SLC20A2: variants seen among roughly 807,000 people sequenced by gnomAD.
The protein encoded by SLC20A2 is solute carrier family 20 member 2.
Under a neutral mutation model 61.0 loss-of-function variants are expected in SLC20A2, and 30 were observed. The ratio of observed to expected loss-of-function variants is 0.49; its 90% CI spans 0.37 to 0.67. The LOEUF (loss-of-function observed/expected upper bound fraction) is 0.67. Among genes scored for constraint, SLC20A2 ranks in the 30% least tolerant of loss-of-function variants. SLC20A2 has a pLI of 0.00. For synonymous variants in SLC20A2, 351 were observed against 353.3 expected, an observed-to-expected ratio of 0.99 and a Z score of 0.07; for missense variants, 626 against 866.4, an observed-to-expected ratio of 0.72 and a Z score of 3.48.
intron 1 of SLC20A2, among the ~76,000 whole-genome samples, chr8:42,519,443 TA>T (rs11284092): frequency 3.1e-3 from 417 of 136,322 alleles, no homozygotes; most frequent in Non-Finnish European, 4.2e-3. Context: ...GACTCCATCT[TA>T]AAAAAAAAAA....
rs1373343901 is a variant in SLC20A2, at chr8:42,467,104, G to A, written c.290-1187C>T. ...ATGACAGGCTCACTGGATGCAGTGA[G>A]CCACTGCACCCAGCCCATACTGCTT... On this transcript the variant is annotated intron_variant, in intron 2 of 10. Transcript: ENST00000520262. 3.3e-5 allele frequency among the ~76,000 whole-genome samples: 5 copies of A among 152,164 alleles called. 1 individual carries two copies. The highest frequency in any genetic ancestry group is 7.3e-5 in the Non-Finnish European group (5 of 68,032).
Position 42,437,728 on chromosome 8 carries a change from C to G in SLC20A2, c.935-151G>C. ...TCGCCTCCCGGGTTCAAGCGATTCT[C>G]CCTCAGCCTCCTGAGTAGCTGGGAC... On this transcript the variant is annotated intron_variant, in intron 7 of 10. Coordinates refer to ENST00000520262, the MANE Select transcript of SLC20A2 (RefSeq NM_001257180.2). This position sits in a 1 kb window ranked among gnomAD's most constrained non-coding sequence, Gnocchi z 6.4. The G allele has an allele frequency of 3.3e-6, 2 of 606,074 alleles. No homozygotes were observed. The highest frequency in any genetic ancestry group is 5.4e-6 in the Non-Finnish European group (2 of 367,950). 37.5% of individuals were successfully genotyped at this position (606,074 alleles called of 1,614,324 possible).
Position 42,437,018 on chromosome 8 carries a change from C to A in SLC20A2, c.1494G>T (p.Gly498=), listed in dbSNP as rs1190702147. The A allele has an allele frequency of 4.3e-6, 7 of 1,610,886 alleles. No individual in the cohort carries two copies. Among genetic ancestry groups the A allele is most frequent in the Non-Finnish European group, 5.9e-6 (7 of 1,178,398 alleles). The stretch of plus-strand genomic sequence containing the variant: ...CGTCATTGCCGCCGTGAGCAAAGGA[C>A]CCGAAACAGGCGGTGAGGACCTGCA... The part of the protein sequence containing the change: ...HFLQVLTACF[G]SFAHGGNDVS... The change falls in exon 8 of 11, where the codon GGG becomes GGT. Residue 498 remains glycine, a synonymous_variant. Transcript: ENST00000520262. This position sits in a 1 kb window ranked among gnomAD's most constrained non-coding sequence, Gnocchi z 6.4.
rs965009146 is a variant in SLC20A2, at chr8:42,522,554, G to T, written c.-265+19267C>A. 1.7e-5 allele frequency among the ~76,000 whole-genome samples: 2 copies of T among 119,790 alleles called. 1 individual carries two copies. Among genetic ancestry groups the T allele is most frequent in the Non-Finnish European group, 4.0e-5 (2 of 49,882 alleles). 78.6% of individuals were successfully genotyped at this position (119,790 alleles called of 152,430 possible). On this transcript the variant is annotated intron_variant, in intron 1 of 10. Coordinates refer to the SLC20A2 transcript ENST00000342228. ...AAACCAGCTGAGTGTGGCAGCAGGTGCCTGTAATCCCAGCTACTTGGGAGG... is the reference window on the plus strand; with the variant it reads ...AAACCAGCTGAGTGTGGCAGCAGGTTCCTGTAATCCCAGCTACTTGGGAGG...
At chr8:42,533,805 T>C (rs1256255825) in intron 1 of SLC20A2, among the ~76,000 whole-genome samples, 1 of 151,218 alleles carries the variant, frequency 6.6e-6, no homozygotes, top group Non-Finnish European at 1.5e-5. Flanking sequence ...ATTACAGGCG[T>C]GCACCACCAT....
At chr8:42,460,026 A>C in intron 4 of SLC20A2, 34 bp from the exon 5 acceptor site, 2 of 1,230,734 alleles carry the variant, frequency 1.6e-6, no homozygotes, top group Non-Finnish European at 2.4e-6. Context: ...GTGGAAGGTC[A>C]GGATCCCAGC....
At chr8:42,522,994 G>C (rs1042404888) in intron 1 of SLC20A2, among the ~76,000 whole-genome samples, 2 of 151,820 alleles carry the variant, frequency 1.3e-5, no homozygotes, top group Non-Finnish European at 1.5e-5. Flanking sequence ...CAAAGTGCTG[G>C]GATTGCGGGT....
At chr8:42,484,899 G>A in intron 1 of SLC20A2, 1 of 411,264 alleles carries the variant, frequency 2.4e-6, no homozygotes, top group Non-Finnish European at 4.9e-6. Context: ...CCATGCAGCT[G>A]GCCCTGAGAC....
chr8:42,457,491 T>A (rs1431785428), intron 5 of SLC20A2, among the ~76,000 whole-genome samples: 2 of 151,978 alleles, frequency 1.3e-5, no homozygotes, highest in African/African-American at 4.8e-5. Flanking sequence ...AACTTTTTTT[T>A]TTTTTTTGAG....
Position 42,465,856 on chromosome 8 carries a change from G to A in SLC20A2, c.351C>T (p.Cys117=), listed in dbSNP as rs151060631. ...FLRLPISGTH[C]IVGSTIGFSL... ...AGAATCCTATAGTAGAACCCACAAT[G>A]CAGTGCGTTCCTGAGATTGGAAGCC... is the stretch of plus-strand genomic sequence containing the variant. Residue 117 remains cysteine (C), a synonymous_variant, in exon 3 of 11, where the codon TGC becomes TGT. Transcript: ENST00000520262. 1.2e-6 allele frequency: 2 copies of A among 1,613,362 alleles called. No homozygotes were observed. Among genetic ancestry groups the A allele is most frequent in the Non-Finnish European group, 1.7e-6 (2 of 1,179,552 alleles).
At position 42,501,168 on chromosome 8, in the gene SLC20A2, T is replaced by C. The variant is rs1294956286; in HGVS notation, c.-402A>G. The C allele has an allele frequency of 6.6e-6, 1 of 152,188 alleles. No homozygotes were observed. The highest frequency in any genetic ancestry group is 2.4e-5 in the African/African-American group (1 of 41,426). 9.4% of individuals were successfully genotyped at this position (152,188 alleles called of 1,614,324 possible). A position where few individuals can be genotyped will look rare whatever the true frequency, so the allele number is the denominator to read the frequency against. On this transcript the variant is annotated 5_prime_UTR_variant, in exon 1 of 11. Transcript: ENST00000520262. ...ATTTCAGCTTGCTAACTTCTACTTT[T>C]ACAACTCATAGAACTAACCCCGGCT...
Position 42,459,964 on chromosome 8 carries a change from G to A in SLC20A2, c.545C>T (p.Ala182Val). 6.2e-7 allele frequency: 1 copy of A among 1,612,740 alleles called. No homozygotes were observed. The highest frequency in any genetic ancestry group is 8.5e-7 in the Non-Finnish European group (1 of 1,179,132). ...KEDPVPNGLR[A>V]LPVFYAATIA... is the part of the protein sequence containing the mutation. ...GGTAGCAGCATAGAATACTGGGAGT[G>A]CCCGGAGGCCATTGGGAACAGGGTC... is the stretch of plus-strand genomic sequence containing the variant. Residue 182 changes from alanine (A) to valine (V), a missense_variant, in exon 5 of 11, where the codon GCA becomes GTA. Physicochemically the swap from Ala to Val is moderately conservative, Grantham distance 64 (BLOSUM62 0). Around this residue, in one of 3 missense-constraint regions of SLC20A2, gnomAD observed 361 missense variants for 422.3 expected, o/e 0.85. Transcript: ENST00000520262.
At chr8:42,429,564 G>C (rs1213307827) in intron 9 of SLC20A2, among the ~76,000 whole-genome samples, 1 of 152,228 alleles carries the variant, frequency 6.6e-6, no homozygotes, top group African/African-American at 2.4e-5. Context: ...GCAGCTGAAG[G>C]CTATGCGGTT....
chr8:42,419,963 G>T (rs117778481), intron 10 of SLC20A2, among the ~76,000 whole-genome samples: 1 of 152,084 alleles, frequency 6.6e-6, no homozygotes, highest in South Asian at 2.1e-4. Flanking sequence ...CAAGGCGGGC[G>T]GATACAAGGT....
At chr8:42,487,747 C>A (rs185074803) in intron 1 of SLC20A2, among the ~76,000 whole-genome samples, 119 of 152,286 alleles carry the variant, frequency 7.8e-4, no homozygotes, top group Non-Finnish European at 1.1e-3. Flanking sequence ...AAATACACAT[C>A]GCATAAAATT....
At position 42,494,412 on chromosome 8, in the gene SLC20A2, T is replaced by A. The variant is rs181680853; in HGVS notation, c.-265+6619A>T. On this transcript the variant is annotated intron_variant, in intron 1 of 10. Coordinates refer to ENST00000520262, the MANE Select transcript of SLC20A2 (RefSeq NM_001257180.2). ...CTATTATTACATAAGTAATCTATGC[T>A]TATTGAAGAAAAAAATTAACATACA... Among the ~76,000 whole-genome samples the A allele has an allele frequency of 8.4e-3, 1,277 of 152,264 alleles. 8 individuals are homozygous for A. Among genetic ancestry groups the A allele is most frequent in the African/African-American group, 0.029 (1,222 of 41,564 alleles).
Position 42,465,956 on chromosome 8 carries a change from A to G in SLC20A2, c.290-39T>C, listed in dbSNP as rs369159594. The G allele has an allele frequency of 1.9e-6, 3 of 1,563,408 alleles. No individual in the cohort carries two copies. In the African/African-American group the frequency reaches 4.1e-5, roughly 22 times the overall value. On this transcript the variant is annotated intron_variant, in intron 2 of 10. Transcript: ENST00000520262. ...GACAAAAAACCATCAGATACAGAGT[A>G]CAGAGGTGCAGACACCAAGGGAAGA...
intron 8 of SLC20A2, among the ~76,000 whole-genome samples, chr8:42,436,632 T>C (rs1196681564): frequency 6.6e-6 from 1 of 152,106 alleles, no homozygotes; most frequent in Non-Finnish European, 1.5e-5. Context: ...GGCGACCTCC[T>C]AGCTTGTCCT....
intron 5 of SLC20A2, among the ~76,000 whole-genome samples, chr8:42,455,885 A>G (rs1806158120): frequency 6.6e-6 from 1 of 152,134 alleles, no homozygotes; most frequent in Non-Finnish European, 1.5e-5. Context: ...CTGTAAAATG[A>G]GGTTATTTGT....
Sources: allele counts gnomAD v4.1 joint callset (sites outside exome capture counted in the v4.1 genomes callset), GRCh38; gene constraint gnomAD v4.1.1; regional missense constraint gnomAD v4.1.1; non-coding constraint Gnocchi (gnomAD v3.1); transcripts MANE v1.5; gene names NCBI Gene and HGNC (gene_info 2026-07-23, HGNC 2026-07-21).